GHR: variants seen among roughly 807,000 people sequenced by gnomAD.
GHR encodes the protein GH receptor.
Under a neutral mutation model 67.1 loss-of-function variants are expected in GHR, and 35 were observed. The ratio of observed to expected loss-of-function variants is 0.52; its 90% CI spans 0.40 to 0.69. GHR has a LOEUF of 0.69. Among genes scored for constraint, GHR ranks in the 30% least tolerant of loss-of-function variants. The pLI is 0.00. For synonymous variants in GHR, 272 were observed against 269.1 expected, an observed-to-expected ratio of 1.01 and a Z score of -0.10; for missense variants, 792 against 764.6, an observed-to-expected ratio of 1.04 and a Z score of -0.42.
chr5:42,658,403 T>C (rs552146560), intron 3 of GHR, among the ~76,000 whole-genome samples: 145 of 152,260 alleles, frequency 9.5e-4, no homozygotes, highest in African/African-American at 3.3e-3. Flanking sequence ...ATGAGGGTTA[T>C]AATAATATAT....
At chr5:42,482,299 G>T (rs905260547) in intron 1 of GHR, among the ~76,000 whole-genome samples, 3 of 152,200 alleles carry the variant, frequency 2.0e-5, no homozygotes, top group African/African-American at 7.2e-5. Context: ...CTGCTGGGGG[G>T]TGCCTCCCAG....
chr5:42,538,708 TTAGATATC>T (rs1270421461), intron 1 of GHR, among the ~76,000 whole-genome samples: 13 of 152,166 alleles, frequency 8.5e-5, no homozygotes, highest in African/African-American at 2.9e-4. Flanking sequence ...CTTCTTATAT[TTAGATATC>T]TAGGTCTCTA....
chr5:42,676,219 A>T (rs1756567862), intron 3 of GHR, among the ~76,000 whole-genome samples: 1 of 152,150 alleles, frequency 6.6e-6, no homozygotes, highest in Non-Finnish European at 1.5e-5. Flanking sequence ...TGGGAGGCGG[A>T]GGTTGCAGTG....
intron 2 of GHR, among the ~76,000 whole-genome samples, chr5:42,576,752 A>G (rs1003700090): frequency 6.6e-6 from 1 of 152,208 alleles, no homozygotes; most frequent in Admixed American, 6.5e-5. Context: ...TGTAAGAATC[A>G]GTGTTTAAAG....
chr5:42,499,842 T>A (rs1046590902), intron 1 of GHR, among the ~76,000 whole-genome samples: 1 of 152,182 alleles, frequency 6.6e-6, no homozygotes, highest in African/African-American at 2.4e-5. Context: ...ATAGTACATA[T>A]AGAGGTCACA....
intron 1 of GHR, among the ~76,000 whole-genome samples, chr5:42,486,555 A>G (rs1337516237): frequency 2.0e-5 from 3 of 152,230 alleles, no homozygotes; most frequent in African/African-American, 4.8e-5. Flanking sequence ...CAAAATTAAG[A>G]AACCAAGTTT....
intron 3 of GHR, among the ~76,000 whole-genome samples, chr5:42,666,135 A>C (rs543219442): frequency 8.4e-5 from 12 of 143,400 alleles, no homozygotes; most frequent in African/African-American, 2.9e-4. Flanking sequence ...AGCCTAATGC[A>C]ATATATTTTA....
chr5:42,607,635 A>C (rs1468912731), intron 2 of GHR, among the ~76,000 whole-genome samples: 1 of 152,208 alleles, frequency 6.6e-6, no homozygotes. Flanking sequence ...GAAAACTGAA[A>C]GGGGACAGGA....
chr5:42,604,713 ATTT>A lies in GHR; in HGVS notation c.71-24311_71-24309del, dbSNP rs35060701. Among the ~76,000 whole-genome samples, 1,024 of 144,802 alleles carry A rather than the reference ATTT, an allele frequency of 7.1e-3. 8 individuals are homozygous for A. Among genetic ancestry groups the A allele is most frequent in the African/African-American group, 0.022 (888 of 39,812 alleles). 95.0% of individuals were successfully genotyped at this position (144,802 alleles called of 152,430 possible). A position where few individuals can be genotyped will look rare whatever the true frequency, so the allele number is the denominator to read the frequency against. On this transcript the variant is annotated intron_variant, in intron 2 of 9. Transcript: ENST00000230882. ...GGACAAAGTAATATCACACCCCTCT[ATTT>A]TTTTTTTTTTTTTAGTTTACTTACT...
At chr5:42,469,612 C>T (rs1436413572) in intron 1 of GHR, among the ~76,000 whole-genome samples, 1 of 152,290 alleles carries the variant, frequency 6.6e-6, no homozygotes, top group East Asian at 1.9e-4. Context: ...AACCTTCATT[C>T]CCCTGACAGC....
intron 2 of GHR, among the ~76,000 whole-genome samples, chr5:42,613,724 G>A (rs918954357): frequency 2.6e-5 from 4 of 152,084 alleles, no homozygotes; most frequent in Non-Finnish European, 5.9e-5. Context: ...GATACAAAAT[G>A]TTAAGGTAAT....
chr5:42,672,188 A>G (rs1756349799), intron 3 of GHR, among the ~76,000 whole-genome samples: 1 of 152,176 alleles, frequency 6.6e-6, no homozygotes, highest in Admixed American at 6.5e-5. Context: ...AAATAGAAAA[A>G]GAAGAAATCA....
chr5:42,688,967 G>A lies in GHR; in HGVS notation c.214G>A (p.Val72Ile), dbSNP rs781454088. Residue 72 changes from valine (V) to isoleucine (I), a missense_variant, in exon 4 of 10, where the codon GTT becomes ATT. Physicochemically the swap from Val to Ile is conservative, Grantham distance 29. Coordinates refer to ENST00000230882, the MANE Select transcript of GHR (RefSeq NM_000163.5). ...TTTTTCATGCCACTGGACAGATGAG[G>A]TTCATCATGGTACAAAGAACCTAGG... ...ETFSCHWTDEVHHGTKNLGPI... is the reference protein window; with the variant it reads ...ETFSCHWTDEIHHGTKNLGPI... 35 of 1,613,194 alleles carry A rather than the reference G, an allele frequency of 2.2e-5. 1 individual carries two copies. The highest frequency in any genetic ancestry group is 2.7e-5 in the Non-Finnish European group (32 of 1,179,300).
intron 1 of GHR, chr5:42,548,612 A>C (rs1004685225): frequency 2.2e-6 from 1 of 450,904 alleles, no homozygotes; most frequent in Non-Finnish European, 2.9e-6. Context: ...TGCATTTTTT[A>C]GATATAAATC....
intron 1 of GHR, among the ~76,000 whole-genome samples, chr5:42,452,918 G>A (rs150630193): frequency 1.6e-3 from 242 of 152,048 alleles, no homozygotes; most frequent in African/African-American, 5.3e-3. Flanking sequence ...TTCCTGGTTC[G>A]GATCCATTGT....
intron 2 of GHR, among the ~76,000 whole-genome samples, chr5:42,621,958 G>A (rs1262794963): frequency 1.3e-5 from 2 of 152,104 alleles, no homozygotes; most frequent in African/African-American, 2.4e-5. Flanking sequence ...ACATGTACGA[G>A]ATAATACACT....
intron 1 of GHR, among the ~76,000 whole-genome samples, chr5:42,480,283 T>G (rs181497574): frequency 2.0e-5 from 3 of 152,350 alleles, no homozygotes; most frequent in Non-Finnish European, 2.9e-5. Context: ...CTCTTACATT[T>G]GCTGAGGAGT....
chr5:42,632,823 C>A (rs1032493846), intron 3 of GHR, among the ~76,000 whole-genome samples: 5 of 152,144 alleles, frequency 3.3e-5, no homozygotes, highest in Non-Finnish European at 5.9e-5. Flanking sequence ...GATATCCAAA[C>A]AACTTTTTTA....
At chr5:42,560,316 C>G (rs973751024) in intron 1 of GHR, among the ~76,000 whole-genome samples, 1 of 152,112 alleles carries the variant, frequency 6.6e-6, no homozygotes, top group Non-Finnish European at 1.5e-5. Flanking sequence ...GCCTCAGTCT[C>G]CCGATCAGCT....
Sources: gnomAD v4.1 joint callset for allele counts (sites outside exome capture counted in the v4.1 genomes callset) on GRCh38, gnomAD v4.1.1 for gene constraint, MANE v1.5 for transcripts, NCBI Gene and HGNC (gene_info 2026-07-23, HGNC 2026-07-21) for gene names.